PRKG1: variants seen among roughly 807,000 people sequenced by gnomAD.
PRKG1 encodes cGMP-dependent protein kinase 1.
PRKG1 carries 35 observed loss-of-function variants against 88.1 expected under a neutral mutation model. That is an observed-to-expected ratio of 0.40 (90% CI 0.30 to 0.53). The LOEUF is 0.53. Among genes scored for constraint, PRKG1 ranks in the 20% least tolerant of loss-of-function variants. The probability of loss-of-function intolerance (pLI) is 0.59; values close to 1 mark genes in which losing one functional copy is unlikely to be tolerated. For synonymous variants in PRKG1, 303 were observed against 292.5 expected (o/e 1.04, Z -0.37); for missense variants, 540 against 839.8 (o/e 0.64, Z 4.41).
chr10:51,352,052 G>A (rs1437753922), intron 2 of PRKG1, among the ~76,000 whole-genome samples: 1 of 152,130 alleles, frequency 6.6e-6, no homozygotes. Flanking sequence ...TCAGATGGTT[G>A]TAGATTTGTG....
At chr10:52,177,992 A>G (rs1473500158) in intron 9 of PRKG1, among the ~76,000 whole-genome samples, 2 of 143,970 alleles carry the variant, frequency 1.4e-5, no homozygotes, top group African/African-American at 5.2e-5. Context: ...TCTCAATGTT[A>G]TGTATTACTA....
At chr10:51,548,386 T>C (rs987690974) in intron 3 of PRKG1, among the ~76,000 whole-genome samples, 2 of 152,174 alleles carry the variant, frequency 1.3e-5, no homozygotes, top group Admixed American at 6.6e-5. Flanking sequence ...ATCTTCTGTG[T>C]TAATTATAGT....
intron 8 of PRKG1, among the ~76,000 whole-genome samples, chr10:52,147,710 A>G (rs1380113047): frequency 1.3e-5 from 2 of 152,202 alleles, no homozygotes; most frequent in African/African-American, 4.8e-5. Flanking sequence ...TAGAAGTAGA[A>G]AGGAAAAAGA....
intron 2 of PRKG1, among the ~76,000 whole-genome samples, chr10:51,304,561 C>A (rs553773879): frequency 1.3e-5 from 2 of 151,484 alleles, no homozygotes; most frequent in Non-Finnish European, 2.9e-5. Context: ...TATACATGTG[C>A]CATGCTGCTG....
At chr10:51,862,264 G>T (rs1252154191) in intron 4 of PRKG1, among the ~76,000 whole-genome samples, 1 of 152,104 alleles carries the variant, frequency 6.6e-6, no homozygotes, top group African/African-American at 2.4e-5. Flanking sequence ...TTTAGTCCTG[G>T]TGCCCACAGC....
chr10:51,826,329 G>C (rs1051417359), intron 4 of PRKG1, among the ~76,000 whole-genome samples: 1 of 152,118 alleles, frequency 6.6e-6, no homozygotes, highest in Non-Finnish European at 1.5e-5. Context: ...ATCCCATGCT[G>C]TGCATACATT....
chr10:51,458,869 A>G (rs967372730), intron 2 of PRKG1, among the ~76,000 whole-genome samples: 1 of 152,150 alleles, frequency 6.6e-6, no homozygotes, highest in African/African-American at 2.4e-5. Flanking sequence ...AAACCCACAC[A>G]TAAGGAGGAA....
At chr10:52,063,195 G>C (rs180689726) in intron 7 of PRKG1, among the ~76,000 whole-genome samples, 1 of 152,218 alleles carries the variant, frequency 6.6e-6, no homozygotes, top group Non-Finnish European at 1.5e-5. Context: ...CAAGTCAGGC[G>C]TGAAGTGGCA....
intron 2 of PRKG1, among the ~76,000 whole-genome samples, chr10:51,220,181 G>A (rs531899052): frequency 5.5e-4 from 83 of 151,724 alleles, no homozygotes; most frequent in Non-Finnish European, 1.0e-3. Flanking sequence ...AGAGGCCACT[G>A]GCTGACAATC....
chr10:51,077,700 A>G (rs372123472), intron 1 of PRKG1, among the ~76,000 whole-genome samples: 2 of 152,200 alleles, frequency 1.3e-5, no homozygotes, highest in Non-Finnish European at 2.9e-5. Context: ...CTCCTGCTAT[A>G]ACTATGAGGT....
chr10:52,215,982 T>A (rs1840101395), intron 9 of PRKG1, among the ~76,000 whole-genome samples: 1 of 152,116 alleles, frequency 6.6e-6, no homozygotes, highest in African/African-American at 2.4e-5. Flanking sequence ...CATAGAATTG[T>A]TCAAGAAACA....
At chr10:51,099,747 C>T (rs1216163510) in intron 1 of PRKG1, among the ~76,000 whole-genome samples, 1 of 152,112 alleles carries the variant, frequency 6.6e-6, no homozygotes, top group African/African-American at 2.4e-5. Context: ...ATGTTCTTCT[C>T]CCTGGAAATG....
chr10:51,293,315 C>T (rs1419502168), intron 2 of PRKG1, among the ~76,000 whole-genome samples: 1 of 152,022 alleles, frequency 6.6e-6, no homozygotes, highest in Non-Finnish European at 1.5e-5. Context: ...ATTAGCTATC[C>T]ATATCATATG....
intron 2 of PRKG1, among the ~76,000 whole-genome samples, chr10:51,446,213 T>A (rs1180996598): frequency 6.6e-6 from 1 of 151,984 alleles, no homozygotes; most frequent in African/African-American, 2.4e-5. Context: ...ATGACGTACA[T>A]CCTAGAATTA....
At chr10:51,653,660 G>A (rs1301467920) in intron 3 of PRKG1, among the ~76,000 whole-genome samples, 1 of 151,828 alleles carries the variant, frequency 6.6e-6, no homozygotes, top group East Asian at 1.9e-4. Context: ...TCTGCCTCCC[G>A]AGTTCAAGCA....
At chr10:51,031,936 A>G (rs1032469266) in intron 1 of PRKG1, among the ~76,000 whole-genome samples, 12 of 152,226 alleles carry the variant, frequency 7.9e-5, no homozygotes, top group African/African-American at 2.9e-4. Flanking sequence ...GCCTAAAGAA[A>G]TGTTAAGCCT....
chr10:52,011,852 G>T (rs191286161), intron 5 of PRKG1, among the ~76,000 whole-genome samples: 1 of 152,108 alleles, frequency 6.6e-6, no homozygotes, highest in African/African-American at 2.4e-5. Flanking sequence ...TGCTGTTCTC[G>T]TGATAGTGAA....
At chr10:51,834,696 G>GAA (rs1425806744) in intron 4 of PRKG1, among the ~76,000 whole-genome samples, 102 of 124,360 alleles carry the variant, frequency 8.2e-4, no homozygotes, top group Middle Eastern at 3.6e-3. Flanking sequence ...AAGAAAGAAA[G>GAA]AGAGAGAGAG....
At chr10:51,782,997 G>A (rs528319250) in intron 3 of PRKG1, among the ~76,000 whole-genome samples, 30 of 151,970 alleles carry the variant, frequency 2.0e-4, no homozygotes, top group Non-Finnish European at 3.8e-4. Flanking sequence ...TCACTGTACA[G>A]TAGTAAGATT....
Sources: gnomAD v4.1 joint callset for allele counts (sites outside exome capture counted in the v4.1 genomes callset) on GRCh38, gnomAD v4.1.1 for gene constraint, MANE v1.5 for transcripts, NCBI Gene and HGNC (gene_info 2026-07-23, HGNC 2026-07-21) for gene names.